The following STARD13 variants were observed in gnomAD, a reference collection of about 807,000 sequenced individuals.
STARD13 encodes stAR-related lipid transfer protein 13.
STARD13 carries 62 observed loss-of-function variants against 106.4 expected under a neutral mutation model. The ratio of observed to expected loss-of-function variants is 0.58; its 90% CI spans 0.48 to 0.72. STARD13 has a LOEUF of 0.72. Among genes scored for constraint, STARD13 ranks in the 30% least tolerant of loss-of-function variants. STARD13 has a pLI of 0.00. For missense variants in STARD13, 1,387 were observed against 1,424.0 expected (o/e 0.97, Z 0.42); for synonymous variants, 565 against 553.0 (o/e 1.02, Z -0.31).
chr13:33,644,381 C>T, the STARD13 span, among the ~76,000 whole-genome samples: 3 of 152,070 alleles, frequency 2.0e-5, no homozygotes, highest in Non-Finnish European at 4.4e-5. Context: ...GAGCCCTGGC[C>T]CTTGGGGGTA....
chr13:33,111,529 G>A (rs1258271832), intron 10 of STARD13, among the ~76,000 whole-genome samples: 1 of 152,228 alleles, frequency 6.6e-6, no homozygotes, highest in African/African-American at 2.4e-5. Context: ...CCTTGAACCT[G>A]ATAATGGCAG....
intron 1 of STARD13, among the ~76,000 whole-genome samples, chr13:33,317,236 A>G (rs1893375902): frequency 1.3e-5 from 2 of 151,604 alleles, no homozygotes; most frequent in Non-Finnish European, 2.9e-5. Flanking sequence ...AATCTCTAAT[A>G]TGTCCCAAAG....
chr13:33,587,105 A>G, the STARD13 span, among the ~76,000 whole-genome samples: 1 of 151,776 alleles, frequency 6.6e-6, no homozygotes, highest in African/African-American at 2.4e-5. Flanking sequence ...AATCCCAGCT[A>G]CTCAGGAGGC....
the STARD13 span, among the ~76,000 whole-genome samples, chr13:33,504,284 T>C: frequency 1.3e-5 from 2 of 152,134 alleles, no homozygotes; most frequent in African/African-American, 4.8e-5. Flanking sequence ...TAAATCATGC[T>C]GCTATAAAGA....
chr13:33,447,275 C>A, the STARD13 span, among the ~76,000 whole-genome samples: 1 of 152,204 alleles, frequency 6.6e-6, no homozygotes, highest in Non-Finnish European at 1.5e-5. Context: ...ACTTACTAGT[C>A]CTTCTATCCA....
chr13:33,362,156 A>G, the STARD13 span, among the ~76,000 whole-genome samples: 1 of 152,192 alleles, frequency 6.6e-6, no homozygotes, highest in Admixed American at 6.5e-5. Flanking sequence ...AGGCTGTACA[A>G]GCGAGGCACC....
the STARD13 span, among the ~76,000 whole-genome samples, chr13:33,544,289 A>G: frequency 2.6e-5 from 4 of 152,310 alleles, no homozygotes; most frequent in African/African-American, 9.6e-5. Flanking sequence ...TTATAAATGT[A>G]CACAGTGCTT....
chr13:33,549,448 A>G, the STARD13 span, among the ~76,000 whole-genome samples: 1 of 152,242 alleles, frequency 6.6e-6, no homozygotes, highest in African/African-American at 2.4e-5. Context: ...TTGAATGAGA[A>G]ACTCTGAGGG....
the STARD13 span, among the ~76,000 whole-genome samples, chr13:33,477,575 T>C: frequency 6.6e-6 from 1 of 152,170 alleles, no homozygotes; most frequent in Admixed American, 6.5e-5. Flanking sequence ...AAAACTGAAT[T>C]GCCAGCCATG....
At chr13:33,507,129 C>A in the STARD13 span, among the ~76,000 whole-genome samples, 1 of 152,050 alleles carries the variant, frequency 6.6e-6, no homozygotes, top group African/African-American at 2.4e-5. Flanking sequence ...TCTCCTTTTT[C>A]CAACTACATA....
chr13:33,670,774 T>C, the STARD13 span, among the ~76,000 whole-genome samples: 9 of 152,242 alleles, frequency 5.9e-5, no homozygotes, highest in South Asian at 1.0e-3. Context: ...ACCCTCTACG[T>C]AAGTTCATTC....
At chr13:33,566,129 T>A in the STARD13 span, among the ~76,000 whole-genome samples, 2 of 148,416 alleles carry the variant, frequency 1.3e-5, no homozygotes, top group Non-Finnish European at 3.0e-5. Flanking sequence ...CAGCATTTTA[T>A]CTTCTCCAAT....
intron 1 of STARD13, among the ~76,000 whole-genome samples, chr13:33,257,146 A>G (rs1456441379): frequency 6.6e-6 from 1 of 152,214 alleles, no homozygotes; most frequent in Non-Finnish European, 1.5e-5. Context: ...GCCATTTGAC[A>G]TATAGAACTG....
At chr13:33,450,213 C>T in the STARD13 span, among the ~76,000 whole-genome samples, 5 of 152,052 alleles carry the variant, frequency 3.3e-5, no homozygotes, top group African/African-American at 7.2e-5. Context: ...TGATGTTGGC[C>T]GTGAGTTTGT....
At chr13:33,640,291 A>G in the STARD13 span, among the ~76,000 whole-genome samples, 2 of 152,330 alleles carry the variant, frequency 1.3e-5, no homozygotes, top group Admixed American at 1.3e-4. Context: ...TTTCTTGAAA[A>G]CAAATGAGCT....
chr13:33,628,096 A>G, the STARD13 span, among the ~76,000 whole-genome samples: 1 of 147,872 alleles, frequency 6.8e-6, no homozygotes, highest in Admixed American at 6.8e-5. Context: ...GAACAAGGTA[A>G]TGAGTTGGGA....
the STARD13 span, among the ~76,000 whole-genome samples, chr13:33,383,896 G>A: frequency 6.6e-6 from 1 of 152,110 alleles, no homozygotes; most frequent in African/African-American, 2.4e-5. Flanking sequence ...CATCCATGAG[G>A]AGGTGGAGTG....
At chr13:33,583,170 AG>A in the STARD13 span, among the ~76,000 whole-genome samples, 1 of 152,232 alleles carries the variant, frequency 6.6e-6, no homozygotes, top group Non-Finnish European at 1.5e-5. Flanking sequence ...AGAAGTCAGT[AG>A]ACTTACTTTA....
the STARD13 span, among the ~76,000 whole-genome samples, chr13:33,636,519 T>G: frequency 6.6e-6 from 1 of 152,152 alleles, no homozygotes; most frequent in African/African-American, 2.4e-5. Context: ...ACTGGGAGTT[T>G]GGTTACCCTA....
Sources: gnomAD v4.1 joint callset for allele counts (sites outside exome capture counted in the v4.1 genomes callset) on GRCh38, gnomAD v4.1.1 for gene constraint, MANE v1.5 for transcripts, NCBI Gene and HGNC (gene_info 2026-07-23, HGNC 2026-07-21) for gene names.